Variants in FABP6 observed in about 807,000 individuals in gnomAD.
FABP6 encodes fatty acid binding protein 6.
In FABP6, 13 loss-of-function variants were observed where a neutral mutation model predicts 14.9. That is an observed-to-expected ratio of 0.87 (90% confidence interval 0.57 to 1.39). The LOEUF (loss-of-function observed/expected upper bound fraction) is 1.39. Ranked by LOEUF, FABP6 falls within the 40% of genes most tolerant of loss-of-function variation. FABP6 has a pLI of 0.00. For missense variants in FABP6, 161 were observed against 167.2 expected (o/e 0.96, Z 0.20); for synonymous variants, 75 against 63.6 (o/e 1.18, Z -0.85).
At chr5:160,194,583 A>C (rs929011170) in intron 1 of FABP6, among the ~76,000 whole-genome samples, 3 of 152,166 alleles carry the variant, frequency 2.0e-5, no homozygotes, top group African/African-American at 7.2e-5. Flanking sequence ...AAAGAGAGAG[A>C]GAGAAAGAAA....
chr5:160,188,729 T>A (rs1203582425), intron 1 of FABP6, among the ~76,000 whole-genome samples: 1 of 152,230 alleles, frequency 6.6e-6, no homozygotes, highest in Non-Finnish European at 1.5e-5. Flanking sequence ...GCAGATTGCC[T>A]CCTGTCTCTG....
chr5:160,238,195 G>A (rs1760557574), intron 3 of FABP6, among the ~76,000 whole-genome samples: 1 of 152,174 alleles, frequency 6.6e-6, no homozygotes, highest in African/African-American at 2.4e-5. Context: ...CATGTGACAG[G>A]TGCTCACAAA....
intron 2 of FABP6, among the ~76,000 whole-genome samples, chr5:160,207,280 C>T (rs528939506): frequency 8.5e-5 from 13 of 152,358 alleles, no homozygotes; most frequent in African/African-American, 2.9e-4. Flanking sequence ...GGTCACATGA[C>T]TTTGCTCCCA....
intron 2 of FABP6, among the ~76,000 whole-genome samples, chr5:160,209,994 T>C (rs1759852471): frequency 6.6e-6 from 1 of 152,180 alleles, no homozygotes; most frequent in South Asian, 2.1e-4. Context: ...CTGTGCACAG[T>C]AGAATCCTCC....
At chr5:160,215,769 T>G (rs1354857443) in intron 3 of FABP6, among the ~76,000 whole-genome samples, 1 of 151,930 alleles carries the variant, frequency 6.6e-6, no homozygotes, top group Non-Finnish European at 1.5e-5. Context: ...TGTAAGAGAC[T>G]TGATAAGAAG....
chr5:160,229,450 G>T, upstream of FABP6: 1 of 1,573,614 alleles, frequency 6.4e-7, no homozygotes, highest in Non-Finnish European at 8.6e-7. Flanking sequence ...GGTGACTTAG[G>T]GGCTGAGCCT....
chr5:160,238,389 C>T (rs940777152), intron 3 of FABP6, among the ~76,000 whole-genome samples: 1 of 152,128 alleles, frequency 6.6e-6, no homozygotes, highest in African/African-American at 2.4e-5. Context: ...GGTTCCACAC[C>T]CAGAGCCACA....
chr5:160,230,937 C>A (rs1209952580), intron 1 of FABP6, among the ~76,000 whole-genome samples: 1 of 152,256 alleles, frequency 6.6e-6, no homozygotes, highest in East Asian at 1.9e-4. Context: ...CATTCCTTCT[C>A]TCACTGCTTG....
intron 3 of FABP6, among the ~76,000 whole-genome samples, chr5:160,215,623 G>A (rs1194508034): frequency 6.6e-6 from 1 of 151,948 alleles, no homozygotes; most frequent in East Asian, 1.9e-4. Flanking sequence ...AGGAGGTTGA[G>A]GTGGCAATGA....
intron 2 of FABP6, among the ~76,000 whole-genome samples, chr5:160,204,261 G>A (rs2113085277): frequency 6.6e-6 from 1 of 152,134 alleles, no homozygotes; most frequent in Non-Finnish European, 1.5e-5. Flanking sequence ...AGGCTGCAAT[G>A]AGCTATAATC....
At chr5:160,203,239 A>T (rs1004290203) in intron 2 of FABP6, among the ~76,000 whole-genome samples, 2 of 152,182 alleles carry the variant, frequency 1.3e-5, no homozygotes, top group Admixed American at 1.3e-4. Context: ...TGTTGAAGAA[A>T]GCAGAAACGG....
At position 160,193,554 on chromosome 5, in the gene FABP6, G is replaced by A. The variant is rs943429444; in HGVS notation, c.-58-5495G>A. Among the ~76,000 whole-genome samples the A allele has an allele frequency of 3.3e-5, 5 of 152,020 alleles. No homozygotes were observed. In the South Asian group the frequency reaches 8.3e-4, roughly 25 times the overall value. On this transcript the variant is annotated intron_variant, in intron 1 of 6. Coordinates refer to the FABP6 transcript ENST00000393980. ...GTTTTGGCAGGGTGCTGATTGGTGC[G>A]TTTACAATCCCTGAGCTAGATACAA...
chr5:160,234,987 T>C, intron 3 of FABP6, 78 bp downstream of exon 3: 1 of 1,274,550 alleles, frequency 7.8e-7, no homozygotes, highest in South Asian at 1.3e-5. Flanking sequence ...GAAGTAGGCC[T>C]CTACGCAGCT....
At chr5:160,194,622 G>C (rs1759474265) in intron 1 of FABP6, among the ~76,000 whole-genome samples, 4 of 152,184 alleles carry the variant, frequency 2.6e-5, no homozygotes. Context: ...CCTCTCACCA[G>C]GGACACCCTC....
In FABP6 at chr5:160,197,952, G is replaced by GTA. The variant is rs1554111881; in HGVS notation, c.-58-1095_-58-1094dup. The GTA allele has an allele frequency of 9.5e-5, 11 of 116,228 alleles. No individual in the cohort carries two copies. In the East Asian group the frequency reaches 2.4e-3, roughly 26 times the overall value. The allele number at this position is 116,228 out of a possible 1,614,324, so 7.2% of individuals were successfully genotyped here. On this transcript the variant is annotated intron_variant, in intron 1 of 6. Transcript: ENST00000393980. ...TGTGTGTGTGTGTGTGTGTGTGTGT[G>GTA]TATGTGTGTGTGTGTGTGTATGTGT...
intron 1 of FABP6, among the ~76,000 whole-genome samples, chr5:160,230,304 G>A (rs1760349169): frequency 6.6e-6 from 1 of 152,142 alleles, no homozygotes; most frequent in African/African-American, 2.4e-5. Context: ...TTGGTAAAGT[G>A]GAGACTTGGT....
chr5:160,211,198 T>C (rs530178800), intron 2 of FABP6, among the ~76,000 whole-genome samples: 1 of 152,258 alleles, frequency 6.6e-6, no homozygotes, highest in South Asian at 2.1e-4. Flanking sequence ...TTCCCCCTTC[T>C]TCTGTCAGTG....
chr5:160,236,094 C>A (rs1313412807), intron 3 of FABP6, among the ~76,000 whole-genome samples: 1 of 151,166 alleles, frequency 6.6e-6, no homozygotes, highest in Non-Finnish European at 1.5e-5. Flanking sequence ...TGGCTCACTG[C>A]AACCTCCGCC....
chr5:160,193,360 G>A (rs950513176), intron 1 of FABP6, among the ~76,000 whole-genome samples: 3 of 152,100 alleles, frequency 2.0e-5, no homozygotes, highest in Admixed American at 6.6e-5. Context: ...AAGCAGTGGG[G>A]ACCCAAAGAG....
Sources: gnomAD v4.1 joint callset for allele counts (sites outside exome capture counted in the v4.1 genomes callset) on GRCh38, gnomAD v4.1.1 for gene constraint, MANE v1.5 for transcripts, NCBI Gene and HGNC (gene_info 2026-07-23, HGNC 2026-07-21) for gene names.